FARS2: variants seen among roughly 807,000 people sequenced by gnomAD.
FARS2 encodes the protein phenylalanyl-tRNA synthetase 2, mitochondrial, also known as phenylalanine--tRNA ligase, mitochondrial.
Under a neutral mutation model 46.4 loss-of-function variants are expected in FARS2, and 40 were observed. The ratio of observed to expected loss-of-function variants is 0.86; its 90% CI spans 0.67 to 1.12. The LOEUF is 1.12. Ranked by LOEUF, FARS2 falls within the 50% of genes most tolerant of loss-of-function variation. FARS2 has a pLI of 0.00. For synonymous variants in FARS2, 234 were observed against 214.9 expected (o/e 1.09, Z -0.78); for missense variants, 513 against 567.9 (o/e 0.90, Z 0.98).
In FARS2 at chr6:5,667,341, A is replaced by G. The variant is rs940191915; in HGVS notation, c.1217+54021A>G. Among the ~76,000 whole-genome samples, 4 of 151,594 alleles carry G rather than the reference A, an allele frequency of 2.6e-5. No individual in the cohort carries two copies. The East Asian group carries it at 7.7e-4, about 29-fold the overall frequency. On this transcript the variant is annotated intron_variant, in intron 6 of 6. Transcript: ENST00000274680. ...GAGACCAGCCTGGCCAATATGGAGAAACCCCATCGCTACTAAAAATACGAA... is the reference window on the plus strand; with the variant it reads ...GAGACCAGCCTGGCCAATATGGAGAGACCCCATCGCTACTAAAAATACGAA...
At chr6:5,508,774 C>A (rs920549690) in intron 4 of FARS2, among the ~76,000 whole-genome samples, 2 of 152,134 alleles carry the variant, frequency 1.3e-5, no homozygotes, top group African/African-American at 4.8e-5. Context: ...GGCAGCCGTA[C>A]GCAGGGCGGA....
chr6:5,585,050 C>G (rs1773541888), intron 5 of FARS2, among the ~76,000 whole-genome samples: 1 of 151,974 alleles, frequency 6.6e-6, no homozygotes, highest in African/African-American at 2.4e-5. Context: ...GGTGCTAAAG[C>G]TCTTTAAGAT....
chr6:5,398,005 T>C (rs911531062), intron 2 of FARS2, among the ~76,000 whole-genome samples: 10 of 152,214 alleles, frequency 6.6e-5, no homozygotes, highest in Non-Finnish European at 1.5e-4. Flanking sequence ...GGAGATTTTG[T>C]TGTGCCCTTA....
chr6:5,523,586 C>T (rs935983734), intron 4 of FARS2, among the ~76,000 whole-genome samples: 49 of 152,138 alleles, frequency 3.2e-4, no homozygotes, highest in Non-Finnish European at 2.6e-4. Flanking sequence ...CTTTCTGCTG[C>T]GGTCGGCTCA....
At chr6:5,454,545 CG>C (rs1764716615) in intron 4 of FARS2, among the ~76,000 whole-genome samples, 1 of 151,958 alleles carries the variant, frequency 6.6e-6, no homozygotes, top group Non-Finnish European at 1.5e-5. Context: ...GGGGTTTCAC[CG>C]TGTTAGCCAG....
At chr6:5,733,715 C>T (rs934582589) in intron 6 of FARS2, among the ~76,000 whole-genome samples, 4 of 152,278 alleles carry the variant, frequency 2.6e-5, no homozygotes, top group Middle Eastern at 3.4e-3. Flanking sequence ...GGGTTTTCCT[C>T]AGTGTCATGA....
rs543761330 is a variant in FARS2, at chr6:5,531,376, A to G, written c.905-13804A>G. On this transcript the variant is annotated intron_variant, in intron 4 of 6. Transcript: ENST00000274680. Reference sequence around the variant, plus strand: ...GGAATTGCTTCATGCACTGCTCATTAGCACGTGCTTCAGACACTGCAGTTT... The same window carrying G: ...GGAATTGCTTCATGCACTGCTCATTGGCACGTGCTTCAGACACTGCAGTTT... Among the ~76,000 whole-genome samples the G allele has an allele frequency of 3.3e-5, 5 of 152,358 alleles. No individual in the cohort carries two copies. The East Asian group carries it at 9.6e-4, about 29-fold the overall frequency.
chr6:5,496,895 G>T (rs2150372531), intron 4 of FARS2, among the ~76,000 whole-genome samples: 1 of 152,010 alleles, frequency 6.6e-6, no homozygotes, highest in East Asian at 1.9e-4. Flanking sequence ...TATTGCCTAG[G>T]CTGGATTCAA....
In FARS2 at chr6:5,410,741, T is replaced by A. The variant is rs913492141; in HGVS notation, c.772+6040T>A. ...TGACGTGCATCTATGATATGGGTGT[T>A]ACAATCTCTGTTTTTCAGATGTTGT... On this transcript the variant is annotated intron_variant, in intron 3 of 6. Transcript: ENST00000274680. 4.6e-5 allele frequency among the ~76,000 whole-genome samples: 7 copies of A among 152,352 alleles called. No individual in the cohort carries two copies. The South Asian group carries it at 1.2e-3, about 27-fold the overall frequency.
chr6:5,565,096 T>C (rs1300969109), intron 5 of FARS2, among the ~76,000 whole-genome samples: 1 of 152,224 alleles, frequency 6.6e-6, no homozygotes, highest in Non-Finnish European at 1.5e-5. Context: ...TTAAGAGTAC[T>C]CACAGATAGT....
At chr6:5,685,317 G>A (rs1363736319) in intron 6 of FARS2, among the ~76,000 whole-genome samples, 1 of 152,110 alleles carries the variant, frequency 6.6e-6, no homozygotes, top group African/African-American at 2.4e-5. Flanking sequence ...GGTTTCCTCT[G>A]GGTCTCTTCA....
the FARS2 span, among the ~76,000 whole-genome samples, chr6:5,251,566 G>A: frequency 6.6e-6 from 1 of 152,060 alleles, no homozygotes; most frequent in Non-Finnish European, 1.5e-5. Flanking sequence ...TAAAACAACC[G>A]GATCTCATGA....
intron 1 of FARS2, among the ~76,000 whole-genome samples, chr6:5,339,800 T>C (rs1771426447): frequency 6.6e-6 from 1 of 152,154 alleles, no homozygotes; most frequent in Non-Finnish European, 1.5e-5. Flanking sequence ...AAAGCATAAA[T>C]GAAGAAGTAC....
chr6:5,444,662 A>G (rs2127794975), intron 4 of FARS2, among the ~76,000 whole-genome samples: 1 of 152,254 alleles, frequency 6.6e-6, no homozygotes, highest in Non-Finnish European at 1.5e-5. Context: ...TGCCTAGCAC[A>G]TAGAAGACAC....
At chr6:5,409,884 T>G (rs1761833802) in intron 3 of FARS2, among the ~76,000 whole-genome samples, 1 of 152,176 alleles carries the variant, frequency 6.6e-6, no homozygotes, top group Non-Finnish European at 1.5e-5. Context: ...GCTGTTGTTG[T>G]AGAGGTGTGT....
intron 4 of FARS2, among the ~76,000 whole-genome samples, chr6:5,440,982 C>T (rs566553932): frequency 4.0e-5 from 6 of 151,104 alleles, no homozygotes; most frequent in Admixed American, 4.0e-4. Flanking sequence ...AGTGCAGTGG[C>T]ACAATCTTGG....
At chr6:5,297,931 A>G (rs1384446467) in intron 1 of FARS2, among the ~76,000 whole-genome samples, 1 of 152,242 alleles carries the variant, frequency 6.6e-6, no homozygotes. Context: ...CATTCCCATC[A>G]GAAGTTTACT....
chr6:5,635,791 G>A (rs765552356), intron 6 of FARS2, among the ~76,000 whole-genome samples: 2 of 152,172 alleles, frequency 1.3e-5, no homozygotes, highest in African/African-American at 2.4e-5. Flanking sequence ...GGCAAAGGGA[G>A]CCTGCAGAAG....
chr6:5,356,473 ATAGATAGAT>A (rs1757937505), intron 1 of FARS2, among the ~76,000 whole-genome samples: 1 of 152,118 alleles, frequency 6.6e-6, no homozygotes, highest in African/African-American at 2.4e-5. Flanking sequence ...TAGATGATAG[ATAGATAGAT>A]TAGATAGATT....
Sources: gnomAD v4.1 joint callset for allele counts (sites outside exome capture counted in the v4.1 genomes callset) on GRCh38, gnomAD v4.1.1 for gene constraint, MANE v1.5 for transcripts, NCBI Gene and HGNC (gene_info 2026-07-23, HGNC 2026-07-21) for gene names.